ITPR1: variants seen among roughly 807,000 people sequenced by gnomAD.
ITPR1 encodes the protein inositol 1,4,5-trisphosphate receptor type 1.
ITPR1 carries 96 observed loss-of-function variants against 318.4 expected under a neutral mutation model. The ratio of observed to expected loss-of-function variants is 0.30; its 90% CI spans 0.26 to 0.36. ITPR1 has a LOEUF of 0.36. ITPR1 is among the 10% of genes least tolerant of loss of function. ITPR1 has a pLI of 1.00. For synonymous variants in ITPR1, 1,312 were observed against 1,289.9 expected (o/e 1.02, Z -0.37); for missense variants, 2,440 against 3,460.2 (o/e 0.71, Z 7.40).
chr3:4,838,510 A>G (rs2051096548), intron 61 of ITPR1, among the ~76,000 whole-genome samples: 1 of 152,204 alleles, frequency 6.6e-6, no homozygotes, highest in African/African-American at 2.4e-5. Context: ...TGTGGCTACA[A>G]GAATCTCAGT....
chr3:4,626,733 A>G (rs370188293), intron 4 of ITPR1, among the ~76,000 whole-genome samples: 1 of 152,116 alleles, frequency 6.6e-6, no homozygotes, highest in Non-Finnish European at 1.5e-5. Flanking sequence ...CAGTTTATAT[A>G]TTTTCTTTCT....
At chr3:4,679,497 A>T (rs2094254283) in intron 24 of ITPR1, among the ~76,000 whole-genome samples, 1 of 152,170 alleles carries the variant, frequency 6.6e-6, no homozygotes, top group Admixed American at 6.5e-5. Flanking sequence ...GCAGGAGAAG[A>T]TGAGTGTCCC....
At chr3:4,684,061 T>C (rs1257453905) in intron 28 of ITPR1, among the ~76,000 whole-genome samples, 1 of 152,214 alleles carries the variant, frequency 6.6e-6, no homozygotes, top group Admixed American at 6.5e-5. Flanking sequence ...ACAGACCCAC[T>C]TGGGAATTGA....
At chr3:4,785,711 T>C (rs1335304529) in intron 51 of ITPR1, among the ~76,000 whole-genome samples, 1 of 152,196 alleles carries the variant, frequency 6.6e-6, no homozygotes, top group Non-Finnish European at 1.5e-5. Flanking sequence ...ATTGAGCTCC[T>C]TGACTCACTG....
chr3:4,564,265 A>AAC (rs2086991279), intron 4 of ITPR1, among the ~76,000 whole-genome samples: 2 of 152,092 alleles, frequency 1.3e-5, no homozygotes, highest in Admixed American at 1.3e-4. Context: ...CTGAAGGCAT[A>AAC]GGAAGAAATC....
chr3:4,711,670 C>G, intron 38 of ITPR1, 87 bp from the exon 39 acceptor site: 1 of 735,410 alleles, frequency 1.4e-6, no homozygotes, highest in Non-Finnish European at 2.4e-6. Flanking sequence ...TGTTCATTAA[C>G]GGACTAGTTA....
At chr3:4,626,456 T>C (rs889796570) in intron 4 of ITPR1, among the ~76,000 whole-genome samples, 6 of 152,200 alleles carry the variant, frequency 3.9e-5, no homozygotes, top group African/African-American at 1.4e-4. Flanking sequence ...TTTTTCCAGA[T>C]CTGATTAGAT....
chr3:4,800,521 C>T lies in ITPR1; in HGVS notation c.7028C>T (p.Ala2343Val). ...IALPKPHGIR[A>V]LIASTILRLI... ...CTCCCCAAGCCCCATGGCATCCGGG[C>T]CTTAATTGCCTCCACAATTCTACGA... Residue 2343 changes from alanine to valine, a missense_variant, in exon 54 of 62, where the codon GCC becomes GTC. Around this residue, in one of 23 missense-constraint regions of ITPR1, gnomAD observed 126 missense variants for 150.8 expected, o/e 0.84. Coordinates refer to ENST00000649015, the MANE Select transcript of ITPR1 (RefSeq NM_001378452.1). 6 of 1,613,992 alleles carry T rather than the reference C, an allele frequency of 3.7e-6. No homozygotes were observed. Among genetic ancestry groups the T allele is most frequent in the Non-Finnish European group, 5.1e-6 (6 of 1,179,858 alleles).
chr3:4,673,525 C>A, intron 21 of ITPR1, 138 bp downstream of exon 21: 2 of 926,252 alleles, frequency 2.2e-6, no homozygotes, highest in Non-Finnish European at 3.1e-6. Flanking sequence ...AAGTGGATGG[C>A]AAATATTTTT....
At chr3:4,559,264 A>C (rs1454250936) in intron 4 of ITPR1, among the ~76,000 whole-genome samples, 1 of 151,936 alleles carries the variant, frequency 6.6e-6, no homozygotes, top group Non-Finnish European at 1.5e-5. Flanking sequence ...TGAGTCTTTT[A>C]ATCTTGAATA....
At chr3:4,832,708 A>G (rs1013487197) in intron 60 of ITPR1, among the ~76,000 whole-genome samples, 5 of 152,222 alleles carry the variant, frequency 3.3e-5, no homozygotes, top group Admixed American at 2.6e-4. Context: ...TCAATCATTT[A>G]CCATTGATTA....
chr3:4,656,162 C>G (rs2093703804), intron 12 of ITPR1, among the ~76,000 whole-genome samples: 1 of 152,198 alleles, frequency 6.6e-6, no homozygotes, highest in Non-Finnish European at 1.5e-5. Flanking sequence ...TTTCTTTCCA[C>G]TAGGTGGCAA....
At chr3:4,627,280 C>T (rs1056023938) in intron 4 of ITPR1, among the ~76,000 whole-genome samples, 7 of 152,042 alleles carry the variant, frequency 4.6e-5, no homozygotes, top group African/African-American at 9.7e-5. Context: ...GCATTAACAA[C>T]GTGGCAAAAC....
At chr3:4,771,946 G>C (rs759310903) in intron 46 of ITPR1, among the ~76,000 whole-genome samples, 5 of 152,150 alleles carry the variant, frequency 3.3e-5, no homozygotes, top group Non-Finnish European at 5.9e-5. Flanking sequence ...GGATGGTAGG[G>C]AGGAATTGTA....
Position 4,673,037 on chromosome 3 carries a change from A to G in ITPR1, c.2205-99A>G, listed in dbSNP as rs559935459. The G allele has an allele frequency of 1.2e-5, 16 of 1,356,310 alleles. No homozygotes were observed. In the African/African-American group the frequency reaches 2.3e-4, roughly 20 times the overall value. 84.0% of individuals were successfully genotyped at this position (1,356,310 alleles called of 1,614,324 possible). A position where few individuals can be genotyped will look rare whatever the true frequency, so the allele number is the denominator to read the frequency against. ...GTTGATGTATGAGTTTAGTTGGCCA[A>G]ATGTCACTCCCATGACAGTCAGGGC... On this transcript the variant is annotated intron_variant, in intron 20 of 61. Transcript: ENST00000649015.
rs372040946 is a variant in ITPR1 at position 4,782,692 on chromosome 3, C to T, written c.6461C>T (p.Ala2154Val). ...FEDGENGEDG[A>V]ASPRNVGHNI... The stretch of plus-strand genomic sequence containing the variant: ...GATGGAGAAAACGGTGAGGATGGGG[C>T]GGCGTCCCCCAGGAACGTGGGGCAC... The change falls in exon 50 of 62, where the codon GCG (alanine) becomes GTG (valine). Residue 2154 changes from alanine (A) to valine (V), a missense_variant. By Grantham distance (64) the Ala-to-Val change is moderately conservative. Transcript: ENST00000649015. 75 of 1,598,068 alleles carry T rather than the reference C, an allele frequency of 4.7e-5. No homozygotes were observed. Among genetic ancestry groups the T allele is most frequent in the East Asian group, 6.9e-5 (3 of 43,644 alleles).
chr3:4,751,468 C>T (rs1575120589), intron 44 of ITPR1: 1 of 152,244 alleles, frequency 6.6e-6, no homozygotes, highest in South Asian at 2.1e-4. Flanking sequence ...AGCAGAGACA[C>T]TTAGAAGATG....
chr3:4,720,685 A>T (rs775218630), intron 40 of ITPR1, among the ~76,000 whole-genome samples: 4 of 152,100 alleles, frequency 2.6e-5, no homozygotes, highest in Admixed American at 6.5e-5. Context: ...AAAAAAGCTA[A>T]ATTCACATTC....
chr3:4,645,940 A>C, intron 10 of ITPR1: 1 of 513,262 alleles, frequency 1.9e-6, no homozygotes, highest in Non-Finnish European at 3.5e-6. Context: ...TATTCCAAAA[A>C]TGGGTTGGGG....
Sources: allele counts gnomAD v4.1 joint callset (sites outside exome capture counted in the v4.1 genomes callset), GRCh38; gene constraint gnomAD v4.1.1; regional missense constraint gnomAD v4.1.1; transcripts MANE v1.5; gene names NCBI Gene and HGNC (gene_info 2026-07-23, HGNC 2026-07-21).